Variants in ARAP1 observed in about 807,000 individuals in gnomAD.
ARAP1 encodes ArfGAP with RhoGAP domain, ankyrin repeat and PH domain 1.
Under a neutral mutation model 172.2 loss-of-function variants are expected in ARAP1, and 76 were observed. That is an observed-to-expected ratio of 0.44 (90% CI 0.37 to 0.53). The LOEUF (loss-of-function observed/expected upper bound fraction) is 0.53. ARAP1 is among the 20% of genes least tolerant of loss of function. ARAP1 has a pLI of 0.00. For missense variants in ARAP1, 1,686 were observed against 1,977.5 expected, an observed-to-expected ratio of 0.85 and a Z score of 2.80; for synonymous variants, 804 against 803.3, an observed-to-expected ratio of 1.00 and a Z score of -0.01.
At chr11:72,702,304 C>A (rs1309754144) in intron 15 of ARAP1, among the ~76,000 whole-genome samples, 1 of 152,140 alleles carries the variant, frequency 6.6e-6, no homozygotes, top group East Asian at 1.9e-4. Context: ...GCCCCGCCCA[C>A]CCATGGCCCT....
intron 34 of ARAP1, 85 bp downstream of exon 34, chr11:72,685,952 GCAATC>G (rs778453214): frequency 5.0e-6 from 8 of 1,606,070 alleles, no homozygotes; most frequent in Non-Finnish European, 6.8e-6. Context: ...ATCGGGGAGG[GCAATC>G]AGGGCAATCA....
At chr11:72,745,082 G>A (rs1858314328) in intron 1 of ARAP1, among the ~76,000 whole-genome samples, 2 of 152,170 alleles carry the variant, frequency 1.3e-5, no homozygotes, top group Non-Finnish European at 1.5e-5. Context: ...TGCTCCTGGA[G>A]TGGAAAGGGG....
chr11:72,741,674 C>A lies in ARAP1; in HGVS notation c.-127-9077G>T, dbSNP rs1471791667. 6.6e-6 allele frequency among the ~76,000 whole-genome samples: 1 copy of A among 152,190 alleles called. No homozygotes were observed. Among genetic ancestry groups the A allele is most frequent in the Non-Finnish European group, 1.5e-5 (1 of 68,022 alleles). On this transcript the variant is annotated intron_variant, in intron 1 of 34. Transcript: ENST00000393609. The surrounding 1 kb of genome is among the most constrained non-coding windows in gnomAD (Gnocchi z 4.5). ...CAGAAACAGGAAGAGACAGGGCTGA[C>A]CGCAGCAGGGTGGGAGTGCACAGGG... is the stretch of plus-strand genomic sequence containing the variant.
At chr11:72,745,769 T>C (rs1268043530) in intron 1 of ARAP1, among the ~76,000 whole-genome samples, 1 of 151,974 alleles carries the variant, frequency 6.6e-6, no homozygotes, top group Non-Finnish European at 1.5e-5. Flanking sequence ...GGGCCACACC[T>C]GGAATCTTGG....
rs781213099 is a variant in ARAP1 at position 72,698,069 on chromosome 11, C to T, written c.2579G>A (p.Arg860Gln). Reference sequence around the variant, plus strand: ...TAGGCGTCCCAGCCGCTCAAAATCCCGGGCCAGCAGATCCTCGGCTAGGGG... The same window carrying T: ...TAGGCGTCCCAGCCGCTCAAAATCCTGGGCCAGCAGATCCTCGGCTAGGGG... ...VPPLAEDLLARDFERLGRLPY... is the reference protein window; with the variant it reads ...VPPLAEDLLAQDFERLGRLPY... The change falls in exon 19 of 35, where the codon CGG (arginine) becomes CAG (glutamine). Residue 860 changes from arginine (R) to glutamine (Q), a missense_variant. This residue lies in a region of ARAP1 where 688 missense variants were observed against 856.9 expected (regional missense o/e 0.80). Transcript: ENST00000393609. 1.4e-5 allele frequency: 22 copies of T among 1,606,040 alleles called. No homozygotes were observed. Among genetic ancestry groups the T allele is most frequent in the East Asian group, 2.2e-5 (1 of 44,588 alleles).
At chr11:72,702,326 CCCAG>C (rs1215802423) in intron 15 of ARAP1, among the ~76,000 whole-genome samples, 11 of 152,282 alleles carry the variant, frequency 7.2e-5, no homozygotes, top group African/African-American at 1.7e-4. Flanking sequence ...AGCCCAGAGC[CCCAG>C]CCATTGAGCT....
intron 1 of ARAP1, among the ~76,000 whole-genome samples, chr11:72,738,361 C>T (rs1858098597): frequency 6.6e-6 from 1 of 152,166 alleles, no homozygotes; most frequent in Admixed American, 6.5e-5. Flanking sequence ...CATGAGTCAG[C>T]CCTGGATCAG....
chr11:72,720,147 C>A (rs1484837987), intron 3 of ARAP1, among the ~76,000 whole-genome samples: 1 of 152,208 alleles, frequency 6.6e-6, no homozygotes, highest in Non-Finnish European at 1.5e-5. Context: ...ATCCCAGCCC[C>A]TGGACTCTCA....
At chr11:72,738,017 T>C (rs970595393) in intron 1 of ARAP1, among the ~76,000 whole-genome samples, 1 of 152,222 alleles carries the variant, frequency 6.6e-6, no homozygotes, top group African/African-American at 2.4e-5. Context: ...CCAGGTCACC[T>C]GCTGGAGCTC....
At position 72,685,735 on chromosome 11, in the gene ARAP1, C is replaced by T. The variant is rs1855642513; in HGVS notation, c.4336-54G>A. 1.6e-5 allele frequency: 26 copies of T among 1,609,780 alleles called. No homozygotes were observed. The East Asian group carries it at 2.7e-4, about 17-fold the overall frequency. ...TTTTGTGAAGGCCCAGAGGGGCTGG[C>T]GCCCCGCTGAAGCTGCTGCAGCTGC... is the stretch of plus-strand genomic sequence containing the variant. On this transcript the variant is annotated intron_variant, in intron 34 of 34. Coordinates refer to ENST00000393609, the MANE Select transcript of ARAP1 (RefSeq NM_001040118.3).
At chr11:72,712,004 A>G (rs1857034824) in intron 7 of ARAP1, among the ~76,000 whole-genome samples, 192 bp downstream of exon 7, 1 of 152,010 alleles carries the variant, frequency 6.6e-6, no homozygotes. Flanking sequence ...CGATCTCCCA[A>G]TTTTCAGGGC....
chr11:72,750,122 T>A (rs1046373955), intron 1 of ARAP1, among the ~76,000 whole-genome samples: 1 of 152,054 alleles, frequency 6.6e-6, no homozygotes, highest in African/African-American at 2.4e-5. Context: ...TCCTACTGCA[T>A]CCCCTCCTGA....
At chr11:72,712,065 G>A (rs1438609969) in intron 7 of ARAP1, 131 bp downstream of exon 7, 4 of 1,273,600 alleles carry the variant, frequency 3.1e-6, no homozygotes, top group Non-Finnish European at 4.2e-6. Context: ...TGCCTGGAGG[G>A]AGACCTGTGC....
intron 3 of ARAP1, among the ~76,000 whole-genome samples, chr11:72,719,141 A>T (rs1857405769): frequency 6.6e-6 from 1 of 152,166 alleles, no homozygotes; most frequent in South Asian, 2.1e-4. Flanking sequence ...AGCCGAGCAA[A>T]CAAGGCCATG....
chr11:72,685,511 C>T lies in ARAP1; in HGVS notation c.*153G>A. The stretch of plus-strand genomic sequence containing the variant: ...GCTGCCTCCCACCCCTGCCGGGGAA[C>T]CCCATGCTGCAGTCAGGATGGAGGA... On this transcript the variant is annotated 3_prime_UTR_variant, in exon 35 of 35. Transcript: ENST00000393609. The T allele has an allele frequency of 9.1e-7, 1 of 1,099,970 alleles. No homozygotes were observed. Among genetic ancestry groups the T allele is most frequent in the Non-Finnish European group, 1.3e-6 (1 of 742,112 alleles). The allele number at this position is 1,099,970 out of a possible 1,614,324, so 68.1% of individuals were successfully genotyped here.
At chr11:72,719,943 G>A (rs1047430223) in intron 3 of ARAP1, among the ~76,000 whole-genome samples, 1 of 152,004 alleles carries the variant, frequency 6.6e-6, no homozygotes, top group Non-Finnish European at 1.5e-5. Context: ...CCCCACTATC[G>A]CAGGCCTCCC....
Position 72,704,277 on chromosome 11 carries a change from G to A in ARAP1, c.1867C>T (p.Pro623Ser). The A allele has an allele frequency of 6.2e-7, 1 of 1,612,428 alleles. No individual in the cohort carries two copies. The highest frequency in any genetic ancestry group is 8.5e-7 in the Non-Finnish European group (1 of 1,179,276). ...CTGCTGGGCTGCAGGGCCTCACTGG[G>A]GGGCACGTTGGCTGCCCAGAAGCGG... is the stretch of plus-strand genomic sequence containing the variant. ...GNRFWAANVP[P>S]SEALQPSSSP... The change falls in exon 14 of 35, where the codon CCC becomes TCC. Residue 623 changes from proline to serine, a missense_variant. By Grantham distance (74) the Pro-to-Ser change is moderately conservative (BLOSUM62 -1). Coordinates refer to ENST00000393609, the MANE Select transcript of ARAP1 (RefSeq NM_001040118.3).
chr11:72,702,759 A>T, intron 15 of ARAP1, 146 bp downstream of exon 15: 1 of 990,974 alleles, frequency 1.0e-6, no homozygotes, highest in Non-Finnish European at 1.5e-6. Context: ...ATACACACTG[A>T]CATGCAAACC....
chr11:72,695,152 C>T lies in ARAP1; in HGVS notation c.3577-55G>A, dbSNP rs1856125247. The T allele has an allele frequency of 1.9e-6, 3 of 1,569,722 alleles. No homozygotes were observed. Among genetic ancestry groups the T allele is most frequent in the Non-Finnish European group, 2.6e-6 (3 of 1,144,352 alleles). On this transcript the variant is annotated intron_variant, in intron 26 of 34. Coordinates refer to ENST00000393609, the MANE Select transcript of ARAP1 (RefSeq NM_001040118.3). This position sits in a 1 kb window ranked among gnomAD's most constrained non-coding sequence, Gnocchi z 4.4. ...CCTGTGCCTAGCCCCTGCTCTGCCACAACCTTGCTATGTGACTCAGAGCCT... is the reference window on the plus strand; with the variant it reads ...CCTGTGCCTAGCCCCTGCTCTGCCATAACCTTGCTATGTGACTCAGAGCCT...
Sources: gnomAD v4.1 joint callset for allele counts (sites outside exome capture counted in the v4.1 genomes callset) on GRCh38, gnomAD v4.1.1 for gene constraint, gnomAD v4.1.1 regional missense constraint, Gnocchi (gnomAD v3.1) non-coding constraint, MANE v1.5 for transcripts, NCBI Gene and HGNC (gene_info 2026-07-23, HGNC 2026-07-21) for gene names.